Variants in TUNAR observed in about 807,000 individuals in gnomAD.
The protein encoded by TUNAR is protein TUNAR.
chr14:95,918,973 T>C (rs1488221446), intron 2 of TUNAR, among the ~76,000 whole-genome samples: 2 of 152,032 alleles, frequency 1.3e-5, no homozygotes, highest in Non-Finnish European at 2.9e-5. Context: ...CGCTTGGAGG[T>C]GGGGATTCAA....
intron 2 of TUNAR, among the ~76,000 whole-genome samples, chr14:95,883,765 A>C (rs922968466): frequency 6.6e-6 from 1 of 152,072 alleles, no homozygotes; most frequent in Admixed American, 6.5e-5. Flanking sequence ...TTCAAGTGCA[A>C]AGATTGGGTC....
intron 2 of TUNAR, among the ~76,000 whole-genome samples, chr14:95,885,345 CTT>C (rs1889059182): frequency 6.6e-6 from 1 of 152,166 alleles, no homozygotes; most frequent in South Asian, 2.1e-4. Flanking sequence ...TGTTCCCTGC[CTT>C]TTATGGTTTC....
intron 2 of TUNAR, among the ~76,000 whole-genome samples, chr14:95,890,122 C>G (rs1401853510): frequency 6.6e-6 from 1 of 152,162 alleles, no homozygotes; most frequent in Admixed American, 6.5e-5. Context: ...AGCACTTCTC[C>G]TTTTTTAGCT....
chr14:95,908,756 C>T (rs1889466206), intron 2 of TUNAR, among the ~76,000 whole-genome samples: 1 of 152,192 alleles, frequency 6.6e-6, no homozygotes, highest in South Asian at 2.1e-4. Context: ...CCAGTTTGAG[C>T]CCATCATGAA....
chr14:95,917,317 T>TGGATCAGCAG (rs1460043879), intron 2 of TUNAR, among the ~76,000 whole-genome samples: 1 of 152,240 alleles, frequency 6.6e-6, no homozygotes, highest in Non-Finnish European at 1.5e-5. Flanking sequence ...TTTACCCCTG[T>TGGATCAGCAG]GGATCAGCAG....
At chr14:95,910,618 T>C (rs1243765351) in intron 2 of TUNAR, among the ~76,000 whole-genome samples, 1 of 152,242 alleles carries the variant, frequency 6.6e-6, no homozygotes, top group Non-Finnish European at 1.5e-5. Context: ...TTTACAGATA[T>C]TTTATCTCTT....
At chr14:95,902,830 A>T (rs1889377651) in intron 2 of TUNAR, among the ~76,000 whole-genome samples, 1 of 152,186 alleles carries the variant, frequency 6.6e-6, no homozygotes, top group Admixed American at 6.5e-5. Flanking sequence ...CATCGTTTCA[A>T]CTTGTATTTC....
intron 2 of TUNAR, among the ~76,000 whole-genome samples, chr14:95,921,665 A>T (rs1316756133): frequency 6.6e-6 from 1 of 152,122 alleles, no homozygotes; most frequent in East Asian, 1.9e-4. Flanking sequence ...CCCCTCCCTC[A>T]TGGCAGCCTG....
chr14:95,885,004 G>C (rs1272571866), intron 2 of TUNAR, among the ~76,000 whole-genome samples: 2 of 152,142 alleles, frequency 1.3e-5, no homozygotes, highest in Admixed American at 1.3e-4. Flanking sequence ...AGGGAAAGAT[G>C]GACCATGTTG....
chr14:95,921,470 C>T (rs1175448752), intron 2 of TUNAR, among the ~76,000 whole-genome samples: 1 of 152,204 alleles, frequency 6.6e-6, no homozygotes, highest in Non-Finnish European at 1.5e-5. Flanking sequence ...GAAAAGAAGG[C>T]TTTGGCTGCC....
chr14:95,916,663 GGT>G (rs1889611797), intron 2 of TUNAR, among the ~76,000 whole-genome samples: 1 of 152,184 alleles, frequency 6.6e-6, no homozygotes, highest in Non-Finnish European at 1.5e-5. Flanking sequence ...GGGTCACTGA[GGT>G]GTGAGTATGT....
rs1395229986 is a variant in TUNAR, at chr14:95,895,832, C to G, written c.12+18655C>G. 6.6e-6 allele frequency: 1 copy of G among 152,394 alleles called. No individual in the cohort carries two copies. Among genetic ancestry groups the G allele is most frequent in the Non-Finnish European group, 1.5e-5 (1 of 68,132 alleles). 9.4% of individuals were successfully genotyped at this position (152,394 alleles called of 1,614,324 possible). Reference sequence around the variant, plus strand: ...TCAGATCTCAGCCCGCTGTCGCCTTCTCTCTGACCCTGGTCCCTTCCACTG... The same window carrying G: ...TCAGATCTCAGCCCGCTGTCGCCTTGTCTCTGACCCTGGTCCCTTCCACTG... On this transcript the variant is annotated intron_variant, in intron 2 of 2. Coordinates refer to ENST00000678517, the Ensembl canonical transcript of TUNAR. This position sits in a 1 kb window ranked among gnomAD's most constrained non-coding sequence, Gnocchi z 4.5.
At chr14:95,919,835 G>A (rs1441914494) in intron 2 of TUNAR, among the ~76,000 whole-genome samples, 1 of 152,182 alleles carries the variant, frequency 6.6e-6, no homozygotes, top group African/African-American at 2.4e-5. Context: ...GTTAGTAATG[G>A]ATTTGAGATG....
chr14:95,896,778 C>T (rs1889276094), intron 2 of TUNAR, among the ~76,000 whole-genome samples: 1 of 152,206 alleles, frequency 6.6e-6, no homozygotes, highest in Non-Finnish European at 1.5e-5. Flanking sequence ...TGATATCATG[C>T]GGCAGCAGAG....
intron 2 of TUNAR, among the ~76,000 whole-genome samples, chr14:95,892,252 T>C (rs946733939): frequency 1.4e-4 from 21 of 152,190 alleles, no homozygotes; most frequent in African/African-American, 4.8e-4. Flanking sequence ...AATCCCCTGC[T>C]CAGGCCCATG....
intron 2 of TUNAR, among the ~76,000 whole-genome samples, chr14:95,905,494 A>T (rs192097169): frequency 3.9e-5 from 6 of 152,270 alleles, no homozygotes; most frequent in African/African-American, 1.4e-4. Flanking sequence ...GAGGTTGTGC[A>T]CTTTTGGCAA....
chr14:95,917,793 T>C (rs887976393), intron 2 of TUNAR, among the ~76,000 whole-genome samples: 11 of 152,242 alleles, frequency 7.2e-5, no homozygotes, highest in Non-Finnish European at 1.6e-4. Flanking sequence ...ATTAACATCT[T>C]GATTGAGATA....
In TUNAR at chr14:95,911,354, C is replaced by T. The variant is rs550227263; in HGVS notation, c.13-11427C>T. Among the ~76,000 whole-genome samples, 20 of 152,332 alleles carry T rather than the reference C, an allele frequency of 1.3e-4. 1 individual carries two copies. Among genetic ancestry groups the T allele is most frequent in the Admixed American group, 7.8e-4 (12 of 15,310 alleles). ...CCTATCTTGTGGAGACAGTTCACTG[C>T]GTGCCCTCTCTGCAGTGCCCTGGGC... On this transcript the variant is annotated intron_variant, in intron 2 of 2. Coordinates refer to ENST00000678517, the Ensembl canonical transcript of TUNAR.
intron 2 of TUNAR, among the ~76,000 whole-genome samples, chr14:95,912,097 A>G (rs1332025789): frequency 6.6e-6 from 1 of 152,104 alleles, no homozygotes; most frequent in Non-Finnish European, 1.5e-5. Context: ...AAACAGAAGC[A>G]CTCGTAGTCT....
Sources: allele counts gnomAD v4.1 joint callset (sites outside exome capture counted in the v4.1 genomes callset), GRCh38; gene constraint gnomAD v4.1.1; non-coding constraint Gnocchi (gnomAD v3.1); transcripts MANE v1.5; gene names NCBI Gene and HGNC (gene_info 2026-07-23, HGNC 2026-07-21).